ANKS1B: variants seen among roughly 807,000 people sequenced by gnomAD.
The protein encoded by ANKS1B is ankyrin repeat and sterile alpha motif domain containing 1B.
ANKS1B carries 36 observed loss-of-function variants against 148.3 expected under a neutral mutation model. That is an observed-to-expected ratio of 0.24 (90% CI 0.19 to 0.32). The LOEUF is 0.32. Ranked by LOEUF, ANKS1B falls within the 10% of genes least tolerant of loss-of-function variation. The pLI, the probability that ANKS1B is intolerant of heterozygous loss-of-function variation, is 1.00. For missense variants in ANKS1B, 1,157 were observed against 1,542.6 expected (o/e 0.75, Z 4.19); for synonymous variants, 542 against 560.8 (o/e 0.97, Z 0.47).
chr12:99,696,256 T>A (rs12318139), intron 8 of ANKS1B, among the ~76,000 whole-genome samples: 4,719 of 152,270 alleles, frequency 0.031, 269 homozygotes, highest in African/African-American at 0.11. Flanking sequence ...TAAGATGATG[T>A]AGAGTCATTT....
chr12:99,560,447 C>A (rs1490495711), intron 9 of ANKS1B, among the ~76,000 whole-genome samples: 1 of 151,900 alleles, frequency 6.6e-6, no homozygotes, highest in Non-Finnish European at 1.5e-5. Flanking sequence ...TTATCCGTAT[C>A]CATTTCTTTC....
chr12:99,036,699 T>TGACA (rs2099955769), intron 17 of ANKS1B, among the ~76,000 whole-genome samples: 1 of 152,254 alleles, frequency 6.6e-6, no homozygotes, highest in African/African-American at 2.4e-5. Flanking sequence ...GAGACTGCAA[T>TGACA]GACATATTTC....
intron 9 of ANKS1B, among the ~76,000 whole-genome samples, chr12:99,600,218 C>T (rs1032856630): frequency 7.9e-5 from 12 of 151,894 alleles, no homozygotes; most frequent in African/African-American, 2.7e-4. Flanking sequence ...TGCTAGGGAC[C>T]TCATAAATGC....
At chr12:99,952,202 C>T (rs2095238028) in intron 1 of ANKS1B, among the ~76,000 whole-genome samples, 1 of 152,074 alleles carries the variant, frequency 6.6e-6, no homozygotes, top group Non-Finnish European at 1.5e-5. Flanking sequence ...CTGCAAAAGG[C>T]TTGGATACAT....
chr12:98,982,087 G>C (rs190980089), intron 17 of ANKS1B, among the ~76,000 whole-genome samples: 24 of 152,314 alleles, frequency 1.6e-4, no homozygotes, highest in African/African-American at 5.3e-4. Flanking sequence ...CAAAGATCTA[G>C]TCACTGATAT....
chr12:99,461,737 AT>A (rs557389754), intron 10 of ANKS1B, among the ~76,000 whole-genome samples: 217 of 152,302 alleles, frequency 1.4e-3, no homozygotes, highest in African/African-American at 4.7e-3. Flanking sequence ...TACATTTTCA[AT>A]CAATCTCTTG....
At chr12:99,284,380 C>T (rs1245616890) in intron 12 of ANKS1B, among the ~76,000 whole-genome samples, 3 of 152,162 alleles carry the variant, frequency 2.0e-5, no homozygotes, top group Non-Finnish European at 4.4e-5. Flanking sequence ...AAACAGGCTA[C>T]TGGTAAGATG....
chr12:99,772,842 C>T, intron 8 of ANKS1B, 80 bp downstream of exon 8: 2 of 1,353,324 alleles, frequency 1.5e-6, no homozygotes, highest in Non-Finnish European at 2.0e-6. Flanking sequence ...GATAATGCAC[C>T]ACATCCCATA....
chr12:99,497,931 A>G (rs1343891550), intron 10 of ANKS1B, among the ~76,000 whole-genome samples: 1 of 152,042 alleles, frequency 6.6e-6, no homozygotes, highest in Admixed American at 6.6e-5. Context: ...TTTTGTCTGT[A>G]AGCCTAAGCC....
At chr12:98,739,703 T>C (rs181107377), downstream of ANKS1B, among the ~76,000 whole-genome samples, 326 of 152,272 alleles carry the variant, frequency 2.1e-3, 1 homozygote, top group African/African-American at 7.5e-3. Flanking sequence ...AGCCTCACTT[T>C]CCTGATTTGT....
intron 16 of ANKS1B, among the ~76,000 whole-genome samples, chr12:99,075,623 C>T: frequency 6.6e-6 from 1 of 152,090 alleles, no homozygotes; most frequent in African/African-American, 2.4e-5. Context: ...CTTCCTTTCT[C>T]ATCCAATGGC....
intron 12 of ANKS1B, among the ~76,000 whole-genome samples, chr12:99,341,917 TCTC>T (rs2089986757): frequency 1.3e-5 from 2 of 152,268 alleles, no homozygotes; most frequent in African/African-American, 4.8e-5. Context: ...TTACATGACT[TCTC>T]CTTAGAAGAA....
rs150382419 is a variant in ANKS1B, at chr12:99,460,346, T to C, written c.1439-16537A>G. On this transcript the variant is annotated intron_variant, in intron 10 of 26. Coordinates refer to ENST00000683438, the MANE Select transcript of ANKS1B (RefSeq NM_001352186.2). ...AACATTGGAAAAACCTTTCTAGACA[T>C]TGGCTTAAGCAAAGACTTCATGACC... 9.0e-3 allele frequency among the ~76,000 whole-genome samples: 1,372 copies of C among 152,242 alleles called. 29 individuals are homozygous for C. The highest frequency in any genetic ancestry group is 0.031 in the African/African-American group (1,294 of 41,554).
intron 9 of ANKS1B, among the ~76,000 whole-genome samples, chr12:99,542,866 G>A (rs1440881349): frequency 2.0e-5 from 3 of 151,896 alleles, no homozygotes; most frequent in Admixed American, 2.0e-4. Flanking sequence ...TAAACGAAAG[G>A]GTAAACTCTA....
intron 15 of ANKS1B, among the ~76,000 whole-genome samples, chr12:99,150,032 G>C (rs1233844932): frequency 6.6e-6 from 1 of 152,146 alleles, no homozygotes; most frequent in East Asian, 1.9e-4. Context: ...CTTATTCACT[G>C]TTACATCCCT....
At chr12:99,070,233 A>G (rs994127288) in intron 16 of ANKS1B, among the ~76,000 whole-genome samples, 4 of 152,110 alleles carry the variant, frequency 2.6e-5, no homozygotes, top group African/African-American at 9.7e-5. Context: ...TCAGGCTAGA[A>G]CCCAAAGCCA....
At position 98,799,701 on chromosome 12, in the gene ANKS1B, G is replaced by C. The variant is rs575854288; in HGVS notation, c.3271-696C>G. ...ACCAGACCCCATACTGTATCATCCT[G>C]GTACAAAATGCCCCTCGTGCTCCAG... On this transcript the variant is annotated intron_variant, in intron 21 of 26. Coordinates refer to ENST00000683438, the MANE Select transcript of ANKS1B (RefSeq NM_001352186.2). Among the ~76,000 whole-genome samples, 156 of 152,122 alleles carry C rather than the reference G, an allele frequency of 1.0e-3. 2 individuals carry two copies. Among genetic ancestry groups the C allele is most frequent in the Middle Eastern group, 3.4e-3 (1 of 294 alleles).
At chr12:99,044,905 A>T (rs2153505325) in intron 17 of ANKS1B, among the ~76,000 whole-genome samples, 1 of 152,294 alleles carries the variant, frequency 6.6e-6, no homozygotes, top group Non-Finnish European at 1.5e-5. Flanking sequence ...TTTTAAGGTC[A>T]ACATACCGAG....
intron 1 of ANKS1B, among the ~76,000 whole-genome samples, chr12:99,900,951 T>C (rs780421374): frequency 6.6e-6 from 1 of 152,260 alleles, no homozygotes; most frequent in Non-Finnish European, 1.5e-5. Context: ...TCTGTAACTA[T>C]ACTTTTTGTT....
Sources: gnomAD v4.1 joint callset for allele counts (sites outside exome capture counted in the v4.1 genomes callset) on GRCh38, gnomAD v4.1.1 for gene constraint, MANE v1.5 for transcripts, NCBI Gene and HGNC (gene_info 2026-07-23, HGNC 2026-07-21) for gene names.